SDCCAG8: variants seen among roughly 807,000 people sequenced by gnomAD.
The protein encoded by SDCCAG8 is SHH signaling and ciliogenesis regulator SDCCAG8.
SDCCAG8 carries 74 observed loss-of-function variants against 101.8 expected under a neutral mutation model. That is an observed-to-expected ratio of 0.73 (90% confidence interval 0.60 to 0.88). SDCCAG8 has a LOEUF of 0.88. Among genes scored for constraint, SDCCAG8 ranks in the 40% least tolerant of loss-of-function variants. SDCCAG8 has a pLI of 0.00. For missense variants in SDCCAG8, 787 were observed against 822.6 expected (o/e 0.96, Z 0.53); for synonymous variants, 281 against 292.9 (o/e 0.96, Z 0.41).
chr1:243,258,666 A>G (rs147566428), intron 1 of SDCCAG8, among the ~76,000 whole-genome samples: 1 of 152,138 alleles, frequency 6.6e-6, no homozygotes, highest in Non-Finnish European at 1.5e-5. Context: ...CAGCCTCCCA[A>G]AGTCTGGGGT....
chr1:243,305,054 C>T, intron 7 of SDCCAG8: 1 of 358,280 alleles, frequency 2.8e-6, no homozygotes, highest in Non-Finnish European at 5.2e-6. Flanking sequence ...CGCCTGTAAT[C>T]CCAGCACTTT....
At chr1:243,353,903 A>G (rs2076243104) in intron 12 of SDCCAG8, among the ~76,000 whole-genome samples, 1 of 152,252 alleles carries the variant, frequency 6.6e-6, no homozygotes, top group Non-Finnish European at 1.5e-5. Context: ...TTCAGATAAC[A>G]TAAATAAAAT....
chr1:243,497,737 T>A (rs1175999388), intron 17 of SDCCAG8, among the ~76,000 whole-genome samples: 1 of 152,240 alleles, frequency 6.6e-6, no homozygotes, highest in Non-Finnish European at 1.5e-5. Context: ...GGGTGTGTTC[T>A]CTACCCAAAA....
rs1282422878 is a variant in SDCCAG8, at chr1:243,492,463, A to G, written c.2112+3323A>G. On this transcript the variant is annotated intron_variant, in intron 17 of 17. Transcript: ENST00000366541. ...ATTACAGGCACCCACCACCACACCT[A>G]GCTAATTTTTTTGTATTTTTAATAG... Among the ~76,000 whole-genome samples the G allele has an allele frequency of 1.1e-3, 159 of 146,304 alleles. 1 individual carries two copies. The highest frequency in any genetic ancestry group is 1.9e-3 in the Non-Finnish European group (123 of 66,296).
intron 9 of SDCCAG8, among the ~76,000 whole-genome samples, chr1:243,320,078 G>C (rs1177958798): frequency 6.6e-6 from 1 of 152,036 alleles, no homozygotes; most frequent in African/African-American, 2.4e-5. Context: ...CAAATCTGCT[G>C]CCCCTTCTGT....
intron 16 of SDCCAG8, among the ~76,000 whole-genome samples, chr1:243,461,557 C>CA (rs1287591561): frequency 6.6e-6 from 1 of 152,164 alleles, no homozygotes; most frequent in East Asian, 1.9e-4. Flanking sequence ...TCTTCATCTT[C>CA]AAAAAATTTG....
At chr1:243,415,494 T>G (rs1375910000) in intron 13 of SDCCAG8, among the ~76,000 whole-genome samples, 1 of 152,188 alleles carries the variant, frequency 6.6e-6, no homozygotes, top group Non-Finnish European at 1.5e-5. Context: ...CACACTTTAG[T>G]CCATTTGGAT....
intron 16 of SDCCAG8, among the ~76,000 whole-genome samples, chr1:243,438,811 T>A (rs1204426696): frequency 6.6e-6 from 1 of 152,218 alleles, no homozygotes; most frequent in African/African-American, 2.4e-5. Flanking sequence ...TATCTTTAAC[T>A]TTGCAGTTTG....
intron 13 of SDCCAG8, among the ~76,000 whole-genome samples, chr1:243,383,363 C>T (rs1398141853): frequency 2.0e-5 from 3 of 152,102 alleles, no homozygotes; most frequent in Admixed American, 1.3e-4. Context: ...ACTCTTTGGG[C>T]CTGCTTATGT....
At chr1:243,384,114 A>G (rs916892133) in intron 13 of SDCCAG8, among the ~76,000 whole-genome samples, 22 of 151,718 alleles carry the variant, frequency 1.5e-4, no homozygotes, top group Admixed American at 1.1e-3. Flanking sequence ...CAAAATGTGG[A>G]AAAAAAAAGA....
At chr1:243,482,147 G>C (rs1285810240) in intron 16 of SDCCAG8, among the ~76,000 whole-genome samples, 1 of 152,242 alleles carries the variant, frequency 6.6e-6, no homozygotes. Flanking sequence ...TAGGACCAGA[G>C]CTGGCAGCTT....
intron 16 of SDCCAG8, among the ~76,000 whole-genome samples, chr1:243,485,909 C>T (rs890909550): frequency 2.0e-4 from 27 of 134,226 alleles, no homozygotes; most frequent in African/African-American, 3.4e-4. Flanking sequence ...AAAAAAAAAT[C>T]AATCTCGGGC....
intron 12 of SDCCAG8, among the ~76,000 whole-genome samples, chr1:243,366,084 A>C (rs1462536289): frequency 6.6e-6 from 1 of 152,104 alleles, no homozygotes; most frequent in African/African-American, 2.4e-5. Flanking sequence ...AAATACATTT[A>C]ATAATGAAAA....
chr1:243,344,279 A>C lies in SDCCAG8; in HGVS notation c.1421A>C (p.Glu474Ala). ...TNMEKDEAEK[E>A]HREFRAKTNR... ...ATGGAGAAGGATGAGGCAGAAAAGG[A>C]GCACAGAGAGTTCAGAGCAAAAACT... The change falls in exon 12 of 18, where the codon GAG (glutamate) becomes GCG (alanine). Residue 474 changes from glutamate (E) to alanine (A), a missense_variant. Physicochemically the swap from Glu to Ala is moderately radical, Grantham distance 107. Transcript: ENST00000366541. The C allele has an allele frequency of 6.2e-7, 1 of 1,614,064 alleles. No individual in the cohort carries two copies. The highest frequency in any genetic ancestry group is 8.5e-7 in the Non-Finnish European group (1 of 1,179,960).
intron 5 of SDCCAG8, among the ~76,000 whole-genome samples, chr1:243,288,495 C>G (rs557070556): frequency 6.6e-6 from 1 of 151,964 alleles, no homozygotes; most frequent in South Asian, 2.1e-4. Flanking sequence ...AAAAACCAGA[C>G]ATTTCAATAA....
At chr1:243,267,288 T>C (rs573219261) in intron 1 of SDCCAG8, 86 of 214,398 alleles carry the variant, frequency 4.0e-4, no homozygotes, top group Admixed American at 5.3e-4. Flanking sequence ...CCAGGAATCT[T>C]ATGGATTCTT....
Position 243,489,139 on chromosome 1 carries a change from A to G in SDCCAG8, c.2111A>G (p.Gln704Arg). The G allele has an allele frequency of 1.2e-6, 2 of 1,612,106 alleles. No individual in the cohort carries two copies. The highest frequency in any genetic ancestry group is 1.7e-6 in the Non-Finnish European group (2 of 1,179,828). Residue 704 changes from glutamine (Q) to arginine (R), a missense_variant and splice_region_variant, in exon 17 of 18, where the codon CAG becomes CGG. Physicochemically the swap from Gln to Arg is conservative, Grantham distance 43. Coordinates refer to ENST00000366541, the MANE Select transcript of SDCCAG8 (RefSeq NM_006642.5). The part of the protein sequence containing the change: ...LSEEVDRLRT[Q>R]LPSMPQSDC ...GAAGAGGTGGACCGGCTGCGGACCCAGGTACTGTGCAGAACGCGGCGCAGG... is the reference window on the plus strand; with the variant it reads ...GAAGAGGTGGACCGGCTGCGGACCCGGGTACTGTGCAGAACGCGGCGCAGG...
chr1:243,441,631 TAATC>T (rs1319105642), intron 16 of SDCCAG8, among the ~76,000 whole-genome samples: 2 of 152,216 alleles, frequency 1.3e-5, no homozygotes, highest in African/African-American at 2.4e-5. Context: ...CAAAGAATTT[TAATC>T]AAAAATCTAG....
chr1:243,410,105 T>C (rs2080067937), intron 13 of SDCCAG8, among the ~76,000 whole-genome samples: 1 of 152,208 alleles, frequency 6.6e-6, no homozygotes, highest in Admixed American at 6.5e-5. Context: ...TTGCTGAGTC[T>C]GACTTGTACC....
Sources: gnomAD v4.1 joint callset for allele counts (sites outside exome capture counted in the v4.1 genomes callset) on GRCh38, gnomAD v4.1.1 for gene constraint, MANE v1.5 for transcripts, NCBI Gene and HGNC (gene_info 2026-07-23, HGNC 2026-07-21) for gene names.